HNRNPM: variants seen among roughly 807,000 people sequenced by gnomAD.
The protein encoded by HNRNPM is CEA receptor.
A neutral mutation model predicts 73.1 loss-of-function variants in HNRNPM; 11 were observed. The ratio of observed to expected loss-of-function variants is 0.15; its 90% CI spans 0.09 to 0.25. The LOEUF (loss-of-function observed/expected upper bound fraction) is 0.25. Ranked by LOEUF, HNRNPM falls within the 10% of genes least tolerant of loss-of-function variation. HNRNPM has a pLI of 1.00. For missense variants in HNRNPM, 789 were observed against 1,067.9 expected (o/e 0.74, Z 3.64); for synonymous variants, 407 against 355.2 (o/e 1.15, Z -1.64).
In HNRNPM at chr19:8,486,365, C is replaced by G; in HGVS notation, c.1937C>G (p.Pro646Arg). 1 of 1,583,842 alleles carries G rather than the reference C, an allele frequency of 6.3e-7. No homozygotes were observed. Among genetic ancestry groups the G allele is most frequent in the Non-Finnish European group, 8.5e-7 (1 of 1,171,890 alleles). ...GSFGGAGGHAPGVARKACQIF... is the reference protein window; with the variant it reads ...GSFGGAGGHARGVARKACQIF... ...TTTGGTGGAGCTGGAGGCCATGCTC[C>G]TGGGGTGGCCAGGAAGGCCTGCCAG... Residue 646 changes from proline to arginine, a missense_variant, in exon 14 of 16, where the codon CCT becomes CGT. Physicochemically the swap from Pro to Arg is moderately radical, Grantham distance 103 (BLOSUM62 -2). Transcript: ENST00000325495.
intron 12 of HNRNPM, among the ~76,000 whole-genome samples, chr19:8,479,711 T>TG (rs1970766720): frequency 1.3e-5 from 2 of 148,402 alleles, no homozygotes; most frequent in African/African-American, 5.0e-5. Context: ...CCCAAGGTGC[T>TG]GGGGTTATAG....
intron 12 of HNRNPM, among the ~76,000 whole-genome samples, chr19:8,477,642 C>T (rs1970601828): frequency 7.9e-6 from 1 of 125,814 alleles, no homozygotes; most frequent in African/African-American, 3.3e-5. Flanking sequence ...CTTGGGTTGA[C>T]AGAGTGAAAC....
Position 8,466,228 on chromosome 19 carries a change from C to T in HNRNPM, c.631-7C>T, listed in dbSNP as rs770214576. On this transcript the variant is annotated splice_polypyrimidine_tract_variant and splice_region_variant and intron_variant, in intron 6 of 15. Transcript: ENST00000325495. ...TTGAGGTTTTTACCCCGTTCTCTCT[C>T]GATTAGCTGGATTATAAAGTTGGCT... 9.3e-6 allele frequency: 15 copies of T among 1,611,146 alleles called. No individual in the cohort carries two copies. Among genetic ancestry groups the T allele is most frequent in the East Asian group, 8.9e-5 (4 of 44,774 alleles).
rs966520762 is a variant in HNRNPM, at chr19:8,469,997, A to T, written c.895+1163A>T. 5.4e-4 allele frequency among the ~76,000 whole-genome samples: 82 copies of T among 152,234 alleles called. 2 individuals carry two copies. Among genetic ancestry groups the T allele is most frequent in the Admixed American group, 5.2e-4 (8 of 15,284 alleles). ...GGATTGCATTTCCTGGACATAACAT[A>T]CTCATTTCCCAAATAAATTGTCAGT... On this transcript the variant is annotated intron_variant, in intron 9 of 15. Transcript: ENST00000325495.
In HNRNPM at chr19:8,486,123, G is replaced by C. The variant is rs755685069; in HGVS notation, c.1695G>C (p.Arg565=). The change falls in exon 14 of 16, where the codon CGG becomes CGC. Residue 565 remains arginine, a synonymous_variant. Transcript: ENST00000325495. ...LERMGANNLE[R]MGLERMGANS... Reference sequence around the variant, plus strand: ...GCATGGGCGCCAACAATCTGGAGCGGATGGGCCTGGAGCGCATGGGCGCCA... The same window carrying C: ...GCATGGGCGCCAACAATCTGGAGCGCATGGGCCTGGAGCGCATGGGCGCCA... 3 of 1,605,464 alleles carry C rather than the reference G, an allele frequency of 1.9e-6. No homozygotes were observed. The highest frequency in any genetic ancestry group is 1.1e-5 in the South Asian group (1 of 91,012).
chr19:8,470,353 A>C (rs1970043830), intron 9 of HNRNPM, among the ~76,000 whole-genome samples: 1 of 151,918 alleles, frequency 6.6e-6, no homozygotes, highest in African/African-American at 2.4e-5. Flanking sequence ...TTTTTGATGG[A>C]GTCTCGCTCT....
intron 1 of HNRNPM, among the ~76,000 whole-genome samples, chr19:8,449,296 G>A (rs930817785): frequency 2.6e-5 from 4 of 151,960 alleles, no homozygotes; most frequent in African/African-American, 7.3e-5. Flanking sequence ...TTTGGGAGGG[G>A]GGGTTCTCCA....
In HNRNPM at chr19:8,486,055, C is replaced by T; in HGVS notation, c.1627C>T (p.Arg543Cys). ...CGCAGGTATGGGAGCTGGCCTGGAG[C>T]GCATGGGCCCCGTGATGGATCGCAT... Reference protein sequence around the residue: ...VPAGMGAGLERMGPVMDRMAT... With the variant: ...VPAGMGAGLECMGPVMDRMAT... Residue 543 changes from arginine to cysteine, a missense_variant, in exon 14 of 16, where the codon CGC becomes TGC. By Grantham distance (180) the Arg-to-Cys change is radical (BLOSUM62 -3). Transcript: ENST00000325495. 6.2e-7 allele frequency: 1 copy of T among 1,606,002 alleles called. No individual in the cohort carries two copies. Among genetic ancestry groups the T allele is most frequent in the Non-Finnish European group, 8.5e-7 (1 of 1,179,552 alleles).
At chr19:8,472,484 C>A (rs1692934207) in intron 10 of HNRNPM, among the ~76,000 whole-genome samples, 3 of 152,168 alleles carry the variant, frequency 2.0e-5, no homozygotes, top group Non-Finnish European at 4.4e-5. Context: ...AACACACACA[C>A]CCCATGTCTG....
intron 5 of HNRNPM, among the ~76,000 whole-genome samples, chr19:8,464,296 C>T (rs1969591573): frequency 6.6e-6 from 1 of 151,894 alleles, no homozygotes; most frequent in Non-Finnish European, 1.5e-5. Flanking sequence ...TTTCACATCT[C>T]ATCTGAATCA....
Position 8,471,434 on chromosome 19 carries a change from A to G in HNRNPM, c.997+7A>G. On this transcript the variant is annotated splice_region_variant and intron_variant, in intron 10 of 15. Transcript: ENST00000325495. ...GGAAACATAGGTCCCGCAGGTGAGA[A>G]TGACAGTGCACCTTGCTTGGTGGTT... is the stretch of plus-strand genomic sequence containing the variant. The G allele has an allele frequency of 6.5e-7, 1 of 1,544,604 alleles. No homozygotes were observed. The highest frequency in any genetic ancestry group is 8.9e-7 in the Non-Finnish European group (1 of 1,129,240).
At position 8,485,795 on chromosome 19, in the gene HNRNPM, G is replaced by A. The variant is rs775040597; in HGVS notation, c.1367G>A (p.Arg456His). ...SVERMGSGIERMGPLGLDHMA... is the reference protein window; with the variant it reads ...SVERMGSGIEHMGPLGLDHMA... ...GAGCGCATGGGCTCCGGCATTGAGC[G>A]CATGGGCCCGCTGGGCCTCGACCAC... Residue 456 changes from arginine (R) to histidine (H), a missense_variant, in exon 14 of 16, where the codon CGC becomes CAC. Physicochemically the swap from Arg to His is conservative, Grantham distance 29 (BLOSUM62 0). This residue lies in a region of HNRNPM where 604 missense variants were observed against 744.0 expected (regional missense o/e 0.81). Transcript: ENST00000325495. 3.7e-6 allele frequency: 6 copies of A among 1,603,436 alleles called. No individual in the cohort carries two copies. The highest frequency in any genetic ancestry group is 1.7e-4 in the Middle Eastern group (1 of 6,056).
At chr19:8,483,596 A>G (rs1018179853) in intron 13 of HNRNPM, among the ~76,000 whole-genome samples, 5 of 152,216 alleles carry the variant, frequency 3.3e-5, no homozygotes, top group Admixed American at 1.3e-4. Context: ...ATAAGACTGA[A>G]AGCACACCAC....
intron 10 of HNRNPM, 21 bp from the exon 11 acceptor site, chr19:8,473,643 C>T: frequency 3.3e-6 from 5 of 1,492,786 alleles, no homozygotes; most frequent in Non-Finnish European, 4.7e-6. Context: ...TTTTAGTTTG[C>T]ATTGACTTTT....
chr19:8,453,970 T>TG (rs1968811068), intron 1 of HNRNPM, among the ~76,000 whole-genome samples: 2 of 152,200 alleles, frequency 1.3e-5, no homozygotes, highest in South Asian at 4.2e-4. Flanking sequence ...TTGCCAAAGG[T>TG]GGGATTGTCT....
chr19:8,487,317 T>C (rs1971384341), intron 15 of HNRNPM: 2 of 501,272 alleles, frequency 4.0e-6, no homozygotes, highest in Admixed American at 6.8e-5. Flanking sequence ...TGAAACAAGG[T>C]AGTAGTGTCC....
intron 1 of HNRNPM, among the ~76,000 whole-genome samples, chr19:8,451,487 C>G (rs1439315246): frequency 2.0e-5 from 3 of 152,044 alleles, no homozygotes; most frequent in Non-Finnish European, 2.9e-5. Context: ...TTCAGGACAT[C>G]ACTTTTATAC....
intron 1 of HNRNPM, 70 bp downstream of exon 1, chr19:8,445,181 T>G: frequency 2.3e-6 from 3 of 1,277,720 alleles, no homozygotes; most frequent in Non-Finnish European, 3.0e-6. Context: ...GGCGGCTCCG[T>G]TAGGTCTGTT....
chr19:8,467,246 C>T (rs1344621585), intron 7 of HNRNPM, among the ~76,000 whole-genome samples: 1 of 152,158 alleles, frequency 6.6e-6, no homozygotes, highest in Admixed American at 6.5e-5. Context: ...CCATTGGTCA[C>T]ATTCAGAGAA....
Sources: gnomAD v4.1 joint callset for allele counts (sites outside exome capture counted in the v4.1 genomes callset) on GRCh38, gnomAD v4.1.1 for gene constraint, gnomAD v4.1.1 regional missense constraint, MANE v1.5 for transcripts, NCBI Gene and HGNC (gene_info 2026-07-23, HGNC 2026-07-21) for gene names.